LRRC8D: variants seen among roughly 807,000 people sequenced by gnomAD.
LRRC8D encodes leucine rich repeat containing 8 VRAC subunit D, also known as volume-regulated anion channel subunit LRRC8D.
LRRC8D carries 20 observed loss-of-function variants against 55.8 expected under a neutral mutation model. The ratio of observed to expected loss-of-function variants is 0.36; its 90% CI spans 0.25 to 0.52. The LOEUF (loss-of-function observed/expected upper bound fraction) is 0.52, where lower values mean the gene tolerates loss of function less well. Among genes scored for constraint, LRRC8D ranks in the 20% least tolerant of loss-of-function variants. The probability of loss-of-function intolerance (pLI) is 0.93; values close to 1 mark genes in which losing one functional copy is unlikely to be tolerated. For synonymous variants in LRRC8D, 352 were observed against 377.0 expected (o/e 0.93, Z 0.77); for missense variants, 651 against 1,030.8 (o/e 0.63, Z 5.05).
At chr1:89,925,261 C>T (rs1159106777) in intron 2 of LRRC8D, among the ~76,000 whole-genome samples, 1 of 152,192 alleles carries the variant, frequency 6.6e-6, no homozygotes, top group Non-Finnish European at 1.5e-5. Flanking sequence ...TGATTTGTCA[C>T]TGTCTTCCAT....
chr1:89,914,665 C>A (rs1199084966), intron 2 of LRRC8D, among the ~76,000 whole-genome samples: 2 of 150,002 alleles, frequency 1.3e-5, no homozygotes, highest in Non-Finnish European at 3.0e-5. Flanking sequence ...TTTTTGTTTA[C>A]TATTACTGCT....
chr1:89,927,539 T>C (rs1663599349), intron 2 of LRRC8D, among the ~76,000 whole-genome samples: 1 of 152,220 alleles, frequency 6.6e-6, no homozygotes, highest in African/African-American at 2.4e-5. Flanking sequence ...TATACCCGTG[T>C]TTCTTACAGG....
intron 2 of LRRC8D, among the ~76,000 whole-genome samples, chr1:89,928,549 G>A (rs1663624497): frequency 6.6e-6 from 1 of 152,156 alleles, no homozygotes; most frequent in South Asian, 2.1e-4. Context: ...CTGGAAGAGA[G>A]GAGCTCATCT....
intron 2 of LRRC8D, among the ~76,000 whole-genome samples, chr1:89,845,928 C>T (rs1289095858): frequency 3.3e-5 from 5 of 152,048 alleles, no homozygotes; most frequent in South Asian, 2.1e-4. Flanking sequence ...ATTACAGGCA[C>T]GCACCACCTC....
At chr1:89,932,291 G>A (rs1371678767) in intron 2 of LRRC8D, among the ~76,000 whole-genome samples, 1 of 152,134 alleles carries the variant, frequency 6.6e-6, no homozygotes. Context: ...GGCCACCTGA[G>A]TCTTGAGCTG....
At chr1:89,851,829 G>A (rs949286795) in intron 2 of LRRC8D, among the ~76,000 whole-genome samples, 2 of 152,084 alleles carry the variant, frequency 1.3e-5, no homozygotes, top group African/African-American at 4.8e-5. Context: ...TTTTTAAAAT[G>A]TGATGAAACC....
intron 2 of LRRC8D, among the ~76,000 whole-genome samples, chr1:89,899,952 G>A (rs1662809463): frequency 6.6e-6 from 1 of 152,296 alleles, no homozygotes; most frequent in East Asian, 1.9e-4. Flanking sequence ...CATGTGCTGG[G>A]TAGTATACTA....
At chr1:89,848,958 A>G (rs762636659) in intron 2 of LRRC8D, among the ~76,000 whole-genome samples, 7 of 152,042 alleles carry the variant, frequency 4.6e-5, no homozygotes, top group Non-Finnish European at 1.5e-5. Flanking sequence ...TCTGCCTCCC[A>G]AAGTGCTGGG....
chr1:89,892,674 A>G (rs1662610429), intron 2 of LRRC8D, among the ~76,000 whole-genome samples: 1 of 152,056 alleles, frequency 6.6e-6, no homozygotes. Flanking sequence ...GCCCGCCAAC[A>G]CGCCCAGCTA....
intron 1 of LRRC8D, among the ~76,000 whole-genome samples, chr1:89,835,216 G>T (rs1340690036): frequency 6.6e-6 from 1 of 152,176 alleles, no homozygotes; most frequent in African/African-American, 2.4e-5. Flanking sequence ...AGGTGGTTCT[G>T]AGGGCAGCCT....
At chr1:89,917,550 C>T (rs1193279976) in intron 2 of LRRC8D, among the ~76,000 whole-genome samples, 2 of 152,090 alleles carry the variant, frequency 1.3e-5, no homozygotes, top group Non-Finnish European at 2.9e-5. Context: ...CTTTGTTCCC[C>T]TCTCTCCACA....
chr1:89,851,385 G>A (rs955389120), intron 2 of LRRC8D, among the ~76,000 whole-genome samples: 6 of 152,152 alleles, frequency 3.9e-5, no homozygotes, highest in African/African-American at 1.4e-4. Flanking sequence ...AGTCTTCTCA[G>A]TTTAGTGGGT....
At chr1:89,895,045 C>T (rs970681616) in intron 2 of LRRC8D, among the ~76,000 whole-genome samples, 2 of 144,022 alleles carry the variant, frequency 1.4e-5, no homozygotes, top group African/African-American at 5.0e-5. Flanking sequence ...AGGCTGATGT[C>T]TCAGTGCCTA....
In LRRC8D at chr1:89,934,062, G is replaced by A. The variant is rs750039790; in HGVS notation, c.994G>A (p.Ala332Thr). Reference protein sequence around the residue: ...ILCYTANFVNAISFEHVCKPK... With the variant: ...ILCYTANFVNTISFEHVCKPK... ...CTGCTATACAGCGAACTTTGTCAACGCAATCAGCTTTGAACACGTCTGCAA... is the reference window on the plus strand; with the variant it reads ...CTGCTATACAGCGAACTTTGTCAACACAATCAGCTTTGAACACGTCTGCAA... The change falls in exon 3 of 3, where the codon GCA becomes ACA. Residue 332 changes from alanine (A) to threonine (T), a missense_variant. Ala to Thr is a moderately conservative substitution (Grantham distance 58). Around this residue, in one of 5 missense-constraint regions of LRRC8D, gnomAD observed 178 missense variants for 374.9 expected, o/e 0.47. Coordinates refer to ENST00000337338, the MANE Select transcript of LRRC8D (RefSeq NM_001134479.2). The surrounding 1 kb of genome is among the most constrained non-coding windows in gnomAD (Gnocchi z 5.9). 7.4e-6 allele frequency: 12 copies of A among 1,614,018 alleles called. No homozygotes were observed. The highest frequency in any genetic ancestry group is 6.7e-5 in the African/African-American group (5 of 74,918).
chr1:89,841,318 A>G (rs1315569980), intron 1 of LRRC8D, among the ~76,000 whole-genome samples: 7 of 151,920 alleles, frequency 4.6e-5, no homozygotes, highest in African/African-American at 2.4e-5. Flanking sequence ...GTGCACTACA[A>G]TTCAAGTCTG....
chr1:89,840,229 G>GCA (rs35883578), intron 1 of LRRC8D, among the ~76,000 whole-genome samples: 36,966 of 151,696 alleles, frequency 0.24, 4,695 homozygotes, highest in African/African-American at 0.31. Flanking sequence ...ACGTGCGCAT[G>GCA]CACACACACA....
At chr1:89,831,277 C>A (rs1030645164) in intron 1 of LRRC8D, among the ~76,000 whole-genome samples, 2 of 152,142 alleles carry the variant, frequency 1.3e-5, no homozygotes, top group East Asian at 3.9e-4. Context: ...TCTTTCCCAA[C>A]CCCAGACACA....
chr1:89,868,248 G>T (rs1166069081), intron 2 of LRRC8D, among the ~76,000 whole-genome samples: 1 of 152,158 alleles, frequency 6.6e-6, no homozygotes, highest in Non-Finnish European at 1.5e-5. Flanking sequence ...GAAGAAGATA[G>T]AACCTTGAAT....
At chr1:89,831,506 T>C (rs1660885324) in intron 1 of LRRC8D, among the ~76,000 whole-genome samples, 1 of 151,870 alleles carries the variant, frequency 6.6e-6, no homozygotes, top group African/African-American at 2.4e-5. Context: ...CACTTGGAGT[T>C]GAGTAAAGAG....
Sources: allele counts gnomAD v4.1 joint callset (sites outside exome capture counted in the v4.1 genomes callset), GRCh38; gene constraint gnomAD v4.1.1; regional missense constraint gnomAD v4.1.1; non-coding constraint Gnocchi (gnomAD v3.1); transcripts MANE v1.5; gene names NCBI Gene and HGNC (gene_info 2026-07-23, HGNC 2026-07-21).